The following GABRB3 variants were observed in gnomAD, a reference collection of about 807,000 sequenced individuals.
GABRB3 encodes gamma-aminobutyric acid type A receptor subunit beta3.
GABRB3 carries 14 observed loss-of-function variants against 52.1 expected under a neutral mutation model. The observed-to-expected ratio is 0.27, with a 90% CI of 0.18 to 0.42. The LOEUF (loss-of-function observed/expected upper bound fraction) is 0.42, where lower values mean the gene tolerates loss of function less well. Among genes scored for constraint, GABRB3 ranks in the 10% least tolerant of loss-of-function variants. GABRB3 has a pLI of 1.00. For missense variants in GABRB3, 307 were observed against 609.1 expected, an observed-to-expected ratio of 0.50 and a Z score of 5.22; for synonymous variants, 260 against 232.3, an observed-to-expected ratio of 1.12 and a Z score of -1.08.
At chr15:26,715,113 G>C (rs987598522) in intron 3 of GABRB3, among the ~76,000 whole-genome samples, 1 of 152,018 alleles carries the variant, frequency 6.6e-6, no homozygotes, top group Admixed American at 6.6e-5. Flanking sequence ...TGAGGACCTG[G>C]GGGGGTCTGA....
upstream of GABRB3, chr15:26,773,763 T>TC (rs1891229830): frequency 2.0e-6 from 3 of 1,531,648 alleles, no homozygotes; most frequent in Non-Finnish European, 2.7e-6. Context: ...GGATCCGCTC[T>TC]CCCCCCTACT....
chr15:26,645,268 G>C (rs1298048160), intron 3 of GABRB3, among the ~76,000 whole-genome samples: 1 of 152,202 alleles, frequency 6.6e-6, no homozygotes, highest in Non-Finnish European at 1.5e-5. Context: ...AAAGCCACTT[G>C]TTCCTGCTCT....
chr15:26,572,047 GAAAAAAA>G (rs67382387), intron 6 of GABRB3, among the ~76,000 whole-genome samples: 5 of 53,120 alleles, frequency 9.4e-5, no homozygotes, highest in Admixed American at 2.3e-4. Context: ...TCCGTCTCAA[GAAAAAAA>G]AAAAAAAAAA....
intron 3 of GABRB3, among the ~76,000 whole-genome samples, chr15:26,684,473 T>C (rs1325643444): frequency 6.6e-6 from 1 of 152,222 alleles, no homozygotes; most frequent in Admixed American, 6.5e-5. Context: ...TTCAATAATG[T>C]TTCCTTTGCA....
intron 3 of GABRB3, among the ~76,000 whole-genome samples, chr15:26,684,106 A>G (rs1025981059): frequency 3.3e-5 from 5 of 152,180 alleles, no homozygotes; most frequent in Non-Finnish European, 5.9e-5. Flanking sequence ...AGACTGACTT[A>G]CCAAATGAAC....
intron 3 of GABRB3, among the ~76,000 whole-genome samples, chr15:26,763,094 C>T (rs1196594999): frequency 6.6e-6 from 1 of 152,190 alleles, no homozygotes. Context: ...ATTTTGCAGG[C>T]TCTGCCCTAA....
In GABRB3 at chr15:26,608,685, AGACATAT is replaced by A. The variant is rs1891934356; in HGVS notation, c.461+12622_461+12628del. 3.3e-5 allele frequency among the ~76,000 whole-genome samples: 5 copies of A among 152,178 alleles called. No homozygotes were observed. The South Asian group carries it at 8.3e-4, about 25-fold the overall frequency. On this transcript the variant is annotated intron_variant, in intron 4 of 8. Coordinates refer to ENST00000311550, the MANE Select transcript of GABRB3 (RefSeq NM_000814.6). Reference sequence around the variant, plus strand: ...AAAGAAGACATGCAAATGGCCAACAAGACATATGAAAAGAAGTTCAACATCACTAATC... The same window carrying A: ...AAAGAAGACATGCAAATGGCCAACAAGAAAAGAAGTTCAACATCACTAATC...
intron 3 of GABRB3, among the ~76,000 whole-genome samples, chr15:26,687,389 G>A (rs968136507): frequency 1.3e-5 from 2 of 152,110 alleles, no homozygotes; most frequent in Admixed American, 1.3e-4. Flanking sequence ...AGATGCAACT[G>A]CCTAGATACA....
chr15:26,554,368 C>T (rs1003388869), intron 8 of GABRB3, among the ~76,000 whole-genome samples: 2 of 150,508 alleles, frequency 1.3e-5, no homozygotes, highest in Non-Finnish European at 1.5e-5. Context: ...CTAGTGATAA[C>T]ATATAAAAAG....
intron 3 of GABRB3, among the ~76,000 whole-genome samples, chr15:26,710,046 T>A (rs1287280004): frequency 2.0e-5 from 3 of 152,174 alleles, no homozygotes; most frequent in African/African-American, 7.2e-5. Context: ...CTATGTAGTC[T>A]TTGGTGTCTG....
chr15:26,733,556 T>C (rs535038182), intron 3 of GABRB3, among the ~76,000 whole-genome samples: 1 of 152,302 alleles, frequency 6.6e-6, no homozygotes, highest in Non-Finnish European at 1.5e-5. Flanking sequence ...AACATTAAGA[T>C]GACAATACTA....
Position 26,772,164 on chromosome 15 carries a change from C to A in GABRB3, c.240+238G>T, listed in dbSNP as rs1276742321. The stretch of plus-strand genomic sequence containing the variant: ...GATGGGAGCACTAGGCCGGCCAGGA[C>A]TCCCCCGCAGGAAGGGTGCGCCCTC... On this transcript the variant is annotated intron_variant, in intron 3 of 8. Coordinates refer to ENST00000311550, the MANE Select transcript of GABRB3 (RefSeq NM_000814.6). The A allele has an allele frequency of 2.7e-5, 12 of 444,718 alleles. No individual in the cohort carries two copies. In the Admixed American group the frequency reaches 5.5e-4, roughly 20 times the overall value. 27.5% of individuals were successfully genotyped at this position (444,718 alleles called of 1,614,324 possible).
rs543500586 is a variant in GABRB3, at chr15:26,549,737, T to C, written c.1081-1603A>G. On this transcript the variant is annotated intron_variant, in intron 8 of 8. Coordinates refer to ENST00000311550, the MANE Select transcript of GABRB3 (RefSeq NM_000814.6). ...TGGCAGGATCCAGCATCCAATCAGATTGAGCCCATGGCAGGATGCAGTCAG... is the reference window on the plus strand; with the variant it reads ...TGGCAGGATCCAGCATCCAATCAGACTGAGCCCATGGCAGGATGCAGTCAG... Among the ~76,000 whole-genome samples the C allele has an allele frequency of 9.2e-5, 14 of 152,176 alleles. No individual in the cohort carries two copies. In the South Asian group the frequency reaches 2.5e-3, roughly 27 times the overall value.
chr15:26,758,310 A>G (rs1890718251), intron 3 of GABRB3, among the ~76,000 whole-genome samples: 1 of 152,240 alleles, frequency 6.6e-6, no homozygotes, highest in South Asian at 2.1e-4. Context: ...TCAGGAAATT[A>G]GATGTCAATT....
At chr15:26,552,352 T>C (rs1422651858) in intron 8 of GABRB3, among the ~76,000 whole-genome samples, 1 of 152,206 alleles carries the variant, frequency 6.6e-6, no homozygotes, top group Admixed American at 6.5e-5. Flanking sequence ...ACGGGATGAT[T>C]AGCAGCAAAA....
rs868349863 is a variant in GABRB3 at position 26,558,520 on chromosome 15, C to T, written c.1080+2412G>A. On this transcript the variant is annotated intron_variant, in intron 8 of 8. Coordinates refer to ENST00000311550, the MANE Select transcript of GABRB3 (RefSeq NM_000814.6). Reference sequence around the variant, plus strand: ...TATGGTTTGGATCTGTGTCCCTGCCCAAATCTCATGTTGAACTGTAATCCC... The same window carrying T: ...TATGGTTTGGATCTGTGTCCCTGCCTAAATCTCATGTTGAACTGTAATCCC... Among the ~76,000 whole-genome samples, 14 of 152,258 alleles carry T rather than the reference C, an allele frequency of 9.2e-5. No individual in the cohort carries two copies. The South Asian group carries it at 2.3e-3, about 25-fold the overall frequency.
chr15:26,752,233 A>AT (rs771589387), intron 3 of GABRB3, among the ~76,000 whole-genome samples: 1 of 68,468 alleles, frequency 1.5e-5, no homozygotes, highest in Non-Finnish European at 2.6e-5. Flanking sequence ...TCTTTATTTT[A>AT]TTTATTTATT....
intron 3 of GABRB3, among the ~76,000 whole-genome samples, chr15:26,677,126 G>T (rs1167553914): frequency 6.6e-6 from 1 of 152,036 alleles, no homozygotes; most frequent in African/African-American, 2.4e-5. Flanking sequence ...TTATTCTTTG[G>T]CCTCATCTAA....
At chr15:26,719,783 A>G (rs924019359) in intron 3 of GABRB3, among the ~76,000 whole-genome samples, 1 of 152,194 alleles carries the variant, frequency 6.6e-6, no homozygotes, top group Admixed American at 6.5e-5. Flanking sequence ...AATAAGAGAA[A>G]GATGAGAAAC....
Sources: allele counts gnomAD v4.1 joint callset (sites outside exome capture counted in the v4.1 genomes callset), GRCh38; gene constraint gnomAD v4.1.1; transcripts MANE v1.5; gene names NCBI Gene and HGNC (gene_info 2026-07-23, HGNC 2026-07-21).